Variants in CLK4 observed in about 807,000 individuals in gnomAD.
CLK4 encodes the protein CDC like kinase 4, also known as dual specificity protein kinase CLK4.
A neutral mutation model predicts 64.4 loss-of-function variants in CLK4; 37 were observed. The ratio of observed to expected loss-of-function variants is 0.57; its 90% CI spans 0.44 to 0.76. The LOEUF is 0.76. Among genes scored for constraint, CLK4 ranks in the 30% least tolerant of loss-of-function variants. CLK4 has a pLI of 0.00. For missense variants in CLK4, 457 were observed against 605.1 expected (o/e 0.76, Z 2.57); for synonymous variants, 175 against 191.6 (o/e 0.91, Z 0.72).
intron 11 of CLK4, 151 bp from the exon 12 acceptor site, chr5:178,604,085 C>A: frequency 1.9e-6 from 1 of 536,458 alleles, no homozygotes; most frequent in Non-Finnish European, 3.2e-6. Flanking sequence ...ACCTCAGCAA[C>A]AATTATATAT....
intron 9 of CLK4, among the ~76,000 whole-genome samples, chr5:178,610,275 G>A (rs1164299249): frequency 1.3e-5 from 2 of 151,422 alleles, no homozygotes; most frequent in African/African-American, 4.9e-5. Flanking sequence ...GGGTGACAGT[G>A]CAAGACTGCG....
intron 2 of CLK4, chr5:178,620,402 G>A (rs1238210465): frequency 3.8e-5 from 10 of 265,120 alleles, no homozygotes; most frequent in South Asian, 1.8e-4. Context: ...CATAAACAAC[G>A]TATAGAGTAA....
intron 12 of CLK4, 27 bp from the exon 13 acceptor site, chr5:178,603,784 A>G: frequency 6.3e-7 from 1 of 1,578,576 alleles, no homozygotes; most frequent in Non-Finnish European, 8.6e-7. Context: ...TTTGTTTTAA[A>G]AAAAATTATT....
rs576064756 is a variant in CLK4, at chr5:178,606,644, G to T, written c.1135-1262C>A. ...TGACCCTATTTAAAGTTCTTCAATGGTTGCATCACCTAAAGCTTTCAAGAA... is the reference window on the plus strand; with the variant it reads ...TGACCCTATTTAAAGTTCTTCAATGTTTGCATCACCTAAAGCTTTCAAGAA... On this transcript the variant is annotated intron_variant, in intron 10 of 12. Coordinates refer to ENST00000316308, the MANE Select transcript of CLK4 (RefSeq NM_020666.3). Among the ~76,000 whole-genome samples the T allele has an allele frequency of 3.9e-5, 6 of 152,204 alleles. No homozygotes were observed. In the South Asian group the frequency reaches 6.2e-4, roughly 16 times the overall value.
chr5:178,623,820 TTTTA>T (rs1448239930), intron 1 of CLK4, among the ~76,000 whole-genome samples: 8 of 152,182 alleles, frequency 5.3e-5, no homozygotes, highest in African/African-American at 1.2e-4. Context: ...TTAGTAACGT[TTTTA>T]TTTATCTTAT....
chr5:178,603,637 C>G lies in CLK4; in HGVS notation c.1426G>C (p.Asp476His), dbSNP rs984663895. The change falls in exon 13 of 13, where the codon GAC (aspartate) becomes CAC (histidine). Residue 476 changes from aspartate (D) to histidine (H), a missense_variant. Coordinates refer to ENST00000316308, the MANE Select transcript of CLK4 (RefSeq NM_020666.3). ...CCATTTCATTTCTTTTTTAATAAGT[C>G]AAAGAAAGGATGCTGCAATGCTTCA... ...LDEALQHPFFDLLKKK is the reference protein window; with the variant it reads ...LDEALQHPFFHLLKKK 1 of 1,580,284 alleles carries G rather than the reference C, an allele frequency of 6.3e-7. No individual in the cohort carries two copies. The highest frequency in any genetic ancestry group is 2.0e-5 in the Admixed American group (1 of 50,412).
At chr5:178,614,366 C>T (rs183750015) in intron 5 of CLK4, among the ~76,000 whole-genome samples, 5 of 152,250 alleles carry the variant, frequency 3.3e-5, no homozygotes, top group African/African-American at 1.2e-4. Flanking sequence ...GGGAAGGAAA[C>T]ATCCAGGTAA....
chr5:178,622,303 C>A (rs148136376), intron 2 of CLK4: 5 of 336,716 alleles, frequency 1.5e-5, no homozygotes, highest in Non-Finnish European at 2.1e-5. Context: ...TATAACAATG[C>A]GTATGAAGCA....
At chr5:178,609,627 A>G (rs186974813) in intron 9 of CLK4, among the ~76,000 whole-genome samples, 2,353 of 151,258 alleles carry the variant, frequency 0.016, 32 homozygotes, top group Middle Eastern at 0.048. Flanking sequence ...AGGTTGCAGT[A>G]AGCTGAGATT....
intron 9 of CLK4, among the ~76,000 whole-genome samples, chr5:178,609,483 C>G (rs893967069): frequency 9.2e-5 from 14 of 151,962 alleles, no homozygotes; most frequent in African/African-American, 3.1e-4. Flanking sequence ...CAGTTCGAGA[C>G]CAGTCTGACC....
At position 178,618,922 on chromosome 5, in the gene CLK4, C is replaced by A. The variant is rs2113811658; in HGVS notation, c.162-144G>T. 3 of 626,018 alleles carry A rather than the reference C, an allele frequency of 4.8e-6. No homozygotes were observed. In the South Asian group the frequency reaches 6.2e-5, roughly 13 times the overall value. 38.8% of individuals were successfully genotyped at this position (626,018 alleles called of 1,614,324 possible). On this transcript the variant is annotated intron_variant, in intron 2 of 12. Transcript: ENST00000316308. ...CAGATGAATTAGCATTTATATTTATCTCATAAAGCTTAAGAAATAATTTTA... is the reference window on the plus strand; with the variant it reads ...CAGATGAATTAGCATTTATATTTATATCATAAAGCTTAAGAAATAATTTTA...
At chr5:178,611,429 T>C (rs912665171) in intron 9 of CLK4, among the ~76,000 whole-genome samples, 1 of 152,204 alleles carries the variant, frequency 6.6e-6, no homozygotes, top group African/African-American at 2.4e-5. Flanking sequence ...ATAAAATTAA[T>C]GTAAACTCAA....
Position 178,618,536 on chromosome 5 carries a change from G to T in CLK4, c.384+20C>A. On this transcript the variant is annotated intron_variant, in intron 3 of 12. Coordinates refer to ENST00000316308, the MANE Select transcript of CLK4 (RefSeq NM_020666.3). Reference sequence around the variant, plus strand: ...ACACAAATAAAACTCCACTCAAATTGAAAACAAAACCAATCATACCGAACG... The same window carrying T: ...ACACAAATAAAACTCCACTCAAATTTAAAACAAAACCAATCATACCGAACG... The T allele has an allele frequency of 6.3e-7, 1 of 1,578,166 alleles. No individual in the cohort carries two copies. The highest frequency in any genetic ancestry group is 8.7e-7 in the Non-Finnish European group (1 of 1,154,516).
At position 178,618,677 on chromosome 5, in the gene CLK4, T is replaced by C. The variant is rs1764663024; in HGVS notation, c.263A>G (p.His88Arg). The C allele has an allele frequency of 1.9e-6, 3 of 1,613,904 alleles. No individual in the cohort carries two copies. The highest frequency in any genetic ancestry group is 1.7e-5 in the Admixed American group (1 of 59,996). The change falls in exon 3 of 13, where the codon CAT becomes CGT. Residue 88 changes from histidine to arginine, a missense_variant. His to Arg is a conservative substitution (Grantham distance 29). Coordinates refer to ENST00000316308, the MANE Select transcript of CLK4 (RefSeq NM_020666.3). ...CCCGCTTTCAATGTCTCTGTGATAA[T>C]GTCTAGGAACATATCCTTCACAGTA... The part of the protein sequence containing the change: ...NDYCEGYVPR[H>R]YHRDIESGYR...
intron 8 of CLK4, 70 bp from the exon 9 acceptor site, chr5:178,612,615 C>CT: frequency 6.8e-7 from 1 of 1,472,282 alleles, no homozygotes; most frequent in Non-Finnish European, 9.4e-7. Flanking sequence ...AAAAGGCCAG[C>CT]ACATGAATTA....
chr5:178,618,863 A>G, intron 2 of CLK4, 85 bp from the exon 3 acceptor site: 1 of 1,063,902 alleles, frequency 9.4e-7, no homozygotes, highest in Non-Finnish European at 1.4e-6. Context: ...AGAAATTCTT[A>G]AACAGCTAAC....
rs1176257663 is a variant in CLK4, at chr5:178,621,076, A to T, written c.161+2180T>A. Among the ~76,000 whole-genome samples the T allele has an allele frequency of 5.9e-5, 9 of 152,322 alleles. No individual in the cohort carries two copies. The South Asian group carries it at 8.3e-4, about 14-fold the overall frequency. On this transcript the variant is annotated intron_variant, in intron 2 of 12. Coordinates refer to ENST00000316308, the MANE Select transcript of CLK4 (RefSeq NM_020666.3). ...GCAATTTTCACATAGGGGAATGTAG[A>T]CAAATAAGTAAGCTGAGAATAGCAT...
intron 2 of CLK4, 43 bp from the exon 3 acceptor site, chr5:178,618,821 G>A (rs747769470): frequency 1.3e-6 from 2 of 1,482,204 alleles, no homozygotes; most frequent in East Asian, 2.3e-5. Context: ...TCTTCATTCT[G>A]CAATAATGTG....
intron 9 of CLK4, among the ~76,000 whole-genome samples, chr5:178,610,060 G>A (rs145584910): frequency 0.019 from 2,905 of 152,150 alleles, 104 homozygotes; most frequent in African/African-American, 0.066. Flanking sequence ...GGAGGCCAAG[G>A]CAGGTGAATC....
Sources: allele counts gnomAD v4.1 joint callset (sites outside exome capture counted in the v4.1 genomes callset), GRCh38; gene constraint gnomAD v4.1.1; transcripts MANE v1.5; gene names NCBI Gene and HGNC (gene_info 2026-07-23, HGNC 2026-07-21).